Variants in PSAT1 observed in about 807,000 individuals in gnomAD.
The protein encoded by PSAT1 is phosphoserine aminotransferase.
Under a neutral mutation model 40.3 loss-of-function variants are expected in PSAT1, and 41 were observed. The ratio of observed to expected loss-of-function variants is 1.02; its 90% CI spans 0.79 to 1.32. The LOEUF (loss-of-function observed/expected upper bound fraction) is 1.32. Ranked by LOEUF, PSAT1 falls within the 40% of genes most tolerant of loss-of-function variation. The pLI, the probability that PSAT1 is intolerant of heterozygous loss-of-function variation, is 0.00. For synonymous variants in PSAT1, 147 were observed against 170.5 expected, an observed-to-expected ratio of 0.86 and a Z score of 1.07; for missense variants, 406 against 455.8, an observed-to-expected ratio of 0.89 and a Z score of 0.99.
At chr9:78,326,952 TA>T (rs1472603754) in intron 7 of PSAT1, among the ~76,000 whole-genome samples, 1,744 of 99,912 alleles carry the variant, frequency 0.017, 92 homozygotes, top group African/African-American at 0.095. Context: ...TATATATATA[TA>T]TATTTTTTTT....
At chr9:78,316,697 G>A (rs1012298703) in intron 6 of PSAT1, among the ~76,000 whole-genome samples, 5 of 152,190 alleles carry the variant, frequency 3.3e-5, no homozygotes, top group Non-Finnish European at 7.3e-5. Flanking sequence ...GGATCTCCCG[G>A]TTCCAGATGG....
At chr9:78,299,505 A>T (rs373855516) in intron 1 of PSAT1, among the ~76,000 whole-genome samples, 1 of 119,200 alleles carries the variant, frequency 8.4e-6, no homozygotes, top group Admixed American at 9.3e-5. Flanking sequence ...TCTTTTTTTT[A>T]ATCTAATTCT....
intron 7 of PSAT1, among the ~76,000 whole-genome samples, chr9:78,321,675 T>C (rs886497506): frequency 2.0e-5 from 3 of 152,084 alleles, no homozygotes; most frequent in Admixed American, 6.5e-5. Context: ...CATCGAAGCC[T>C]CCAAGTTGAT....
At chr9:78,326,129 G>A (rs183914058) in intron 7 of PSAT1, among the ~76,000 whole-genome samples, 81 of 152,076 alleles carry the variant, frequency 5.3e-4, no homozygotes, top group African/African-American at 1.9e-3. Flanking sequence ...TCCCCCTTTG[G>A]CCTCTCTTTT....
At chr9:78,297,654 C>T (rs984849622) in intron 1 of PSAT1, among the ~76,000 whole-genome samples, 1 of 152,232 alleles carries the variant, frequency 6.6e-6, no homozygotes, top group Non-Finnish European at 1.5e-5. Flanking sequence ...TCTCTGCCTT[C>T]GCCTCGCGCA....
intron 7 of PSAT1, among the ~76,000 whole-genome samples, chr9:78,321,096 G>A (rs1431086404): frequency 1.3e-5 from 2 of 152,164 alleles, no homozygotes; most frequent in Admixed American, 6.5e-5. Context: ...TAATGTGGCA[G>A]GCAGGTCATC....
In PSAT1 at chr9:78,301,962, C is replaced by G. The variant is rs756807136; in HGVS notation, c.130C>G (p.His44Asp). Residue 44 changes from histidine to aspartate, a missense_variant, in exon 3 of 9, where the codon CAC becomes GAC. Physicochemically the swap from His to Asp is moderately conservative, Grantham distance 81. Coordinates refer to ENST00000376588, the MANE Select transcript of PSAT1 (RefSeq NM_058179.4). ...TATCTTTCCTTTCACAGAAATGAGT[C>G]ACAGGTCATCAGATTTTGCCAAGAT... ...GVGISVLEMSHRSSDFAKIIN... is the reference protein window; with the variant it reads ...GVGISVLEMSDRSSDFAKIIN... 6.2e-7 allele frequency: 1 copy of G among 1,607,542 alleles called. No individual in the cohort carries two copies. Among genetic ancestry groups the G allele is most frequent in the Non-Finnish European group, 8.5e-7 (1 of 1,174,276 alleles).
At chr9:78,316,341 C>G (rs1278725509) in intron 6 of PSAT1, among the ~76,000 whole-genome samples, 2 of 152,204 alleles carry the variant, frequency 1.3e-5, no homozygotes, top group Admixed American at 6.5e-5. Context: ...ACAAATCCTC[C>G]TCCATCTGCT....
At position 78,330,025 on chromosome 9, in the gene PSAT1, C is replaced by T. The variant is rs1161300205; in HGVS notation, c.*939C>T. On this transcript the variant is annotated 3_prime_UTR_variant, in exon 9 of 9. Coordinates refer to ENST00000376588, the MANE Select transcript of PSAT1 (RefSeq NM_058179.4). ...GATACTTTGCTGAAAAGTCTTTCCCCTATTGTTTATCTATTGTCAGTATTT... is the reference window on the plus strand; with the variant it reads ...GATACTTTGCTGAAAAGTCTTTCCCTTATTGTTTATCTATTGTCAGTATTT... 6.6e-6 allele frequency: 1 copy of T among 152,088 alleles called. No individual in the cohort carries two copies. Among genetic ancestry groups the T allele is most frequent in the East Asian group, 1.9e-4 (1 of 5,196 alleles). The allele number at this position is 152,088 out of a possible 1,614,324, so 9.4% of individuals were successfully genotyped here. A position where few individuals can be genotyped will look rare whatever the true frequency, so the allele number is the denominator to read the frequency against.
chr9:78,321,126 T>C (rs1335290958), intron 7 of PSAT1, among the ~76,000 whole-genome samples: 3 of 152,156 alleles, frequency 2.0e-5, no homozygotes, highest in Non-Finnish European at 4.4e-5. Flanking sequence ...GGTCATCTCC[T>C]GGGGAATCTG....
intron 6 of PSAT1, among the ~76,000 whole-genome samples, chr9:78,312,643 C>T (rs1828284670): frequency 6.6e-6 from 1 of 152,100 alleles, no homozygotes; most frequent in African/African-American, 2.4e-5. Flanking sequence ...TTGCAGTGAG[C>T]CAAGATTGTG....
chr9:78,324,522 G>A (rs541946028), intron 7 of PSAT1, among the ~76,000 whole-genome samples: 3 of 152,178 alleles, frequency 2.0e-5, no homozygotes, highest in East Asian at 3.9e-4. Flanking sequence ...CAACAGACCT[G>A]GTCACCTCTG....
chr9:78,313,074 TA>T (rs1317107282), intron 6 of PSAT1, among the ~76,000 whole-genome samples: 1 of 152,058 alleles, frequency 6.6e-6, no homozygotes, highest in East Asian at 1.9e-4. Flanking sequence ...ATAACAGTGA[TA>T]TACTCTTAGG....
rs754808301 is a variant in PSAT1 at position 78,325,090 on chromosome 9, G to T, written c.870-2961G>T. ...ACACAATATAGAATCCAAAACAGAG[G>T]TGCAGCTTTCAGGAATGAAGCAGAA... On this transcript the variant is annotated intron_variant, in intron 7 of 8. Transcript: ENST00000376588. Among the ~76,000 whole-genome samples the T allele has an allele frequency of 6.5e-4, 99 of 152,132 alleles. 1 individual carries two copies. Among genetic ancestry groups the T allele is most frequent in the Middle Eastern group, 3.4e-3 (1 of 294 alleles).
chr9:78,324,326 G>A (rs1828467579), intron 7 of PSAT1, among the ~76,000 whole-genome samples: 1 of 152,102 alleles, frequency 6.6e-6, no homozygotes, highest in African/African-American at 2.4e-5. Context: ...CAGAATGCCT[G>A]TTGACATCTT....
chr9:78,308,341 A>C, intron 5 of PSAT1, 73 bp from the exon 6 acceptor site: 3 of 1,528,646 alleles, frequency 2.0e-6, no homozygotes, highest in Non-Finnish European at 2.7e-6. Context: ...CTTCGGGAAG[A>C]GTTGGGAAGT....
At chr9:78,311,067 G>A (rs1828260566) in intron 6 of PSAT1, among the ~76,000 whole-genome samples, 1 of 152,098 alleles carries the variant, frequency 6.6e-6, no homozygotes, top group East Asian at 1.9e-4. Context: ...TTTTACCTTG[G>A]TTGAAATGTT....
rs1008998785 is a variant in PSAT1, at chr9:78,328,961, T to A, written c.1008-20T>A. 4 of 1,593,934 alleles carry A rather than the reference T, an allele frequency of 2.5e-6. No individual in the cohort carries two copies. Among genetic ancestry groups the A allele is most frequent in the Admixed American group, 1.7e-5 (1 of 59,986 alleles). On this transcript the variant is annotated intron_variant, in intron 8 of 8. Coordinates refer to ENST00000376588, the MANE Select transcript of PSAT1 (RefSeq NM_058179.4). ...ATTAGACGTTTTTGTTCTCAATGCC[T>A]GGATCTTTGGTCATTCTAGGTCTGT...
At chr9:78,307,916 G>A (rs1331230419) in intron 5 of PSAT1, among the ~76,000 whole-genome samples, 6 of 152,088 alleles carry the variant, frequency 3.9e-5, no homozygotes, top group Non-Finnish European at 7.4e-5. Context: ...GGCACACGCT[G>A]TAATCCCAGC....
Sources: gnomAD v4.1 joint callset for allele counts (sites outside exome capture counted in the v4.1 genomes callset) on GRCh38, gnomAD v4.1.1 for gene constraint, MANE v1.5 for transcripts, NCBI Gene and HGNC (gene_info 2026-07-23, HGNC 2026-07-21) for gene names.